Variants in CDYL2 observed in about 807,000 individuals in gnomAD.
CDYL2 encodes the protein chromodomain Y-like protein 2.
CDYL2 carries 23 observed loss-of-function variants against 49.4 expected under a neutral mutation model. The ratio of observed to expected loss-of-function variants is 0.47; its 90% CI spans 0.34 to 0.66. The LOEUF (loss-of-function observed/expected upper bound fraction) is 0.66. Ranked by LOEUF, CDYL2 falls within the 30% of genes least tolerant of loss-of-function variation. The pLI, the probability that CDYL2 is intolerant of heterozygous loss-of-function variation, is 0.01. For missense variants in CDYL2, 678 were observed against 656.4 expected (o/e 1.03, Z -0.36); for synonymous variants, 360 against 268.8 (o/e 1.34, Z -3.32).
At chr16:80,646,873 C>T (rs1481096448) in intron 2 of CDYL2, among the ~76,000 whole-genome samples, 1 of 145,180 alleles carries the variant, frequency 6.9e-6, no homozygotes, top group Admixed American at 7.0e-5. Context: ...CACACTTCGC[C>T]TTTAAAGACA....
At chr16:80,777,240 C>T (rs1907116949) in intron 1 of CDYL2, among the ~76,000 whole-genome samples, 1 of 151,960 alleles carries the variant, frequency 6.6e-6, no homozygotes, top group Middle Eastern at 3.4e-3. Context: ...GAAAGATGTC[C>T]TTTTTTAAAA....
chr16:80,685,252 C>A lies in CDYL2; in HGVS notation c.25-123G>T, dbSNP rs545162388. The A allele has an allele frequency of 1.9e-5, 14 of 726,786 alleles. No homozygotes were observed. In the African/African-American group the frequency reaches 2.1e-4, roughly 11 times the overall value. 45.0% of individuals were successfully genotyped at this position (726,786 alleles called of 1,614,324 possible). A position where few individuals can be genotyped will look rare whatever the true frequency, so the allele number is the denominator to read the frequency against. ...CATCTACCCTAGCCAGGGGGTGAGC[C>A]ACGAGCCATTCAATGCCAGAAGCCA... On this transcript the variant is annotated intron_variant, in intron 1 of 6. Transcript: ENST00000570137.
At chr16:80,630,930 G>A (rs1907533862) in intron 3 of CDYL2, among the ~76,000 whole-genome samples, 2 of 151,890 alleles carry the variant, frequency 1.3e-5, no homozygotes, top group Non-Finnish European at 2.9e-5. Flanking sequence ...TTATCCCGAT[G>A]TGAGTGAGTG....
intron 2 of CDYL2, among the ~76,000 whole-genome samples, chr16:80,642,869 G>A (rs1312936754): frequency 6.6e-6 from 1 of 152,114 alleles, no homozygotes; most frequent in Non-Finnish European, 1.5e-5. Context: ...TTCAAGATGA[G>A]ATTTGAGTGG....
At chr16:80,799,410 T>C (rs1157411625) in intron 1 of CDYL2, among the ~76,000 whole-genome samples, 2 of 152,196 alleles carry the variant, frequency 1.3e-5, no homozygotes. Context: ...ACTGGGCTCC[T>C]GGAGGACGTG....
rs539198595 is a variant in CDYL2, at chr16:80,729,517, C to T, written c.25-44388G>A. On this transcript the variant is annotated intron_variant, in intron 1 of 6. Coordinates refer to ENST00000570137, the MANE Select transcript of CDYL2 (RefSeq NM_152342.4). ...AGTAATAATGGGAGACTTTAACACCCCACTGTCAACATTAGACAGATCAAC... is the reference window on the plus strand; with the variant it reads ...AGTAATAATGGGAGACTTTAACACCTCACTGTCAACATTAGACAGATCAAC... Among the ~76,000 whole-genome samples, 88 of 152,112 alleles carry T rather than the reference C, an allele frequency of 5.8e-4. 1 individual carries two copies. The East Asian group carries it at 0.017, about 29-fold the overall frequency.
rs77574199 is a variant in CDYL2, at chr16:80,692,492, G to C, written c.25-7363C>G. 4.5e-3 allele frequency among the ~76,000 whole-genome samples: 678 copies of C among 152,278 alleles called. 3 individuals carry two copies. Among genetic ancestry groups the C allele is most frequent in the African/African-American group, 0.015 (635 of 41,560 alleles). ...ACATGACTCAAACAGGTACTTCAGA[G>C]AACAATTTTAAACCTAAATTTTTAA... On this transcript the variant is annotated intron_variant, in intron 1 of 6. Transcript: ENST00000570137.
At chr16:80,639,763 C>G (rs894404616) in intron 2 of CDYL2, 3 of 455,702 alleles carry the variant, frequency 6.6e-6, no homozygotes, top group Non-Finnish European at 8.8e-6. Flanking sequence ...TCCCCTCCCC[C>G]TGAAGCAGTA....
At chr16:80,696,279 T>C (rs1597180767) in intron 1 of CDYL2, among the ~76,000 whole-genome samples, 2 of 151,870 alleles carry the variant, frequency 1.3e-5, no homozygotes, top group African/African-American at 2.4e-5. Context: ...GCAATGAACA[T>C]CTACATCAAA....
At position 80,716,487 on chromosome 16, in the gene CDYL2, G is replaced by A. The variant is rs144289857; in HGVS notation, c.25-31358C>T. Among the ~76,000 whole-genome samples, 451 of 152,112 alleles carry A rather than the reference G, an allele frequency of 3.0e-3. 2 individuals carry two copies. The highest frequency in any genetic ancestry group is 0.01 in the African/African-American group (435 of 41,492). ...ATGGACGGATAGCTGGATGAACAAT[G>A]GGTGGGTGGATGGAGGGATGGATGG... On this transcript the variant is annotated intron_variant, in intron 1 of 6. Transcript: ENST00000570137.
intron 1 of CDYL2, among the ~76,000 whole-genome samples, chr16:80,761,808 A>G (rs1017716563): frequency 6.6e-6 from 1 of 151,852 alleles, no homozygotes; most frequent in African/African-American, 2.4e-5. Context: ...TACTTTGGAT[A>G]TTTGAAAGTT....
intron 1 of CDYL2, among the ~76,000 whole-genome samples, chr16:80,790,753 G>C (rs1429351730): frequency 6.6e-6 from 1 of 152,154 alleles, no homozygotes; most frequent in African/African-American, 2.4e-5. Context: ...CAGTCAGTCA[G>C]GGGGGTAGGT....
At position 80,684,700 on chromosome 16, in the gene CDYL2, A is replaced by G. The variant is rs893033243; in HGVS notation, c.454T>C (p.Ser152Pro). 5 of 1,613,802 alleles carry G rather than the reference A, an allele frequency of 3.1e-6. No individual in the cohort carries two copies. The highest frequency in any genetic ancestry group is 3.4e-6 in the Non-Finnish European group (4 of 1,179,992). ...TCCCCATTTTCCATCCCGTTCTGAG[A>G]CTTTTTCAGGGGCATTATTTGCAAA... is the stretch of plus-strand genomic sequence containing the variant. ...SGLQIMPLKK[S>P]QNGMENGDAG... Residue 152 changes from serine to proline, a missense_variant, in exon 2 of 7, where the codon TCT becomes CCT. This residue lies in a region of CDYL2 where 478 missense variants were observed against 427.0 expected (regional missense o/e 1.12). Transcript: ENST00000570137.
chr16:80,774,955 G>A (rs1252405594), intron 1 of CDYL2, among the ~76,000 whole-genome samples: 3 of 151,338 alleles, frequency 2.0e-5, no homozygotes, highest in Non-Finnish European at 4.4e-5. Context: ...GACACAGAAG[G>A]TTAGCATTAA....
At chr16:80,762,182 C>G (rs1248376756) in intron 1 of CDYL2, among the ~76,000 whole-genome samples, 1 of 151,796 alleles carries the variant, frequency 6.6e-6, no homozygotes, top group African/African-American at 2.4e-5. Context: ...AGACTTGTCT[C>G]AAAAATAAAT....
At chr16:80,628,635 G>T (rs1907409934) in intron 3 of CDYL2, among the ~76,000 whole-genome samples, 1 of 151,964 alleles carries the variant, frequency 6.6e-6, no homozygotes, top group South Asian at 2.1e-4. Flanking sequence ...ATAAACGTGT[G>T]CTGTTTTAAA....
rs756365917 is a variant in CDYL2, at chr16:80,633,221, T to C, written c.632A>G (p.Asn211Ser). ...AENGLGSALT[N>S]GGLNLHSPVK... ...TGGACTGTGCAGGTTCAATCCCCCGTTGGTCAGAGCAGAGCCTTCCAAAAC... is the reference window on the plus strand; with the variant it reads ...TGGACTGTGCAGGTTCAATCCCCCGCTGGTCAGAGCAGAGCCTTCCAAAAC... Residue 211 changes from asparagine to serine, a missense_variant, in exon 3 of 7, where the codon AAC becomes AGC. Physicochemically the swap from Asn to Ser is conservative, Grantham distance 46. Around this residue, in one of 3 missense-constraint regions of CDYL2, gnomAD observed 478 missense variants for 427.0 expected, o/e 1.12. Transcript: ENST00000570137. 11 of 1,614,122 alleles carry C rather than the reference T, an allele frequency of 6.8e-6. No homozygotes were observed. Among genetic ancestry groups the C allele is most frequent in the East Asian group, 2.2e-5 (1 of 44,886 alleles).
chr16:80,619,498 G>C (rs1176363696), intron 4 of CDYL2, among the ~76,000 whole-genome samples: 1 of 152,194 alleles, frequency 6.6e-6, no homozygotes, highest in Admixed American at 6.5e-5. Context: ...CGCTCCACGG[G>C]TCACAAAAAT....
At chr16:80,626,770 G>A (rs371540470) in intron 3 of CDYL2, among the ~76,000 whole-genome samples, 1 of 152,266 alleles carries the variant, frequency 6.6e-6, no homozygotes, top group South Asian at 2.1e-4. Context: ...GGGGGATACT[G>A]GGAAAATACT....
Sources: gnomAD v4.1 joint callset for allele counts (sites outside exome capture counted in the v4.1 genomes callset) on GRCh38, gnomAD v4.1.1 for gene constraint, gnomAD v4.1.1 regional missense constraint, MANE v1.5 for transcripts, NCBI Gene and HGNC (gene_info 2026-07-23, HGNC 2026-07-21) for gene names.